RETSAT: variants seen among roughly 807,000 people sequenced by gnomAD.
The protein encoded by RETSAT is retinol saturase, also known as all-trans-retinol 13,14-reductase.
RETSAT carries 35 observed loss-of-function variants against 61.6 expected under a neutral mutation model. That is an observed-to-expected ratio of 0.57 (90% CI 0.43 to 0.75). RETSAT has a LOEUF of 0.75. Among genes scored for constraint, RETSAT ranks in the 30% least tolerant of loss-of-function variants. RETSAT has a pLI of 0.00. For missense variants in RETSAT, 670 were observed against 759.5 expected (o/e 0.88, Z 1.38); for synonymous variants, 277 against 310.4 (o/e 0.89, Z 1.13).
At chr2:85,349,848 G>A in intron 4 of RETSAT, 192 bp downstream of exon 4, 1 of 640,330 alleles carries the variant, frequency 1.6e-6, no homozygotes, top group Non-Finnish European at 2.7e-6. Flanking sequence ...AATCATCCAA[G>A]GCATGGATGA....
chr2:85,343,930 C>T (rs1411275115), intron 9 of RETSAT, 69 bp downstream of exon 9: 45 of 1,594,346 alleles, frequency 2.8e-5, no homozygotes, highest in Non-Finnish European at 3.6e-5. Context: ...GCCTGATTCC[C>T]CTGTCTCAAG....
chr2:85,345,675 C>T, intron 6 of RETSAT: 1 of 461,450 alleles, frequency 2.2e-6, no homozygotes, highest in Non-Finnish European at 4.1e-6. Flanking sequence ...CTGGAAGCCC[C>T]CTCAGCCCAG....
In RETSAT at chr2:85,350,123, G is replaced by A. The variant is rs1683273411; in HGVS notation, c.716C>T (p.Thr239Ile). 4 of 1,613,908 alleles carry A rather than the reference G, an allele frequency of 2.5e-6. No homozygotes were observed. The South Asian group carries it at 3.3e-5, about 13-fold the overall frequency. ...TRFSPFLQAS[T>I]QSLAEVLQQL... ...CTGCAGGACCTCAGCCAGGCTCTGG[G>A]TGGATGCTTGAAGGAATGGAGAGAA... is the stretch of plus-strand genomic sequence containing the variant. The change falls in exon 4 of 11, where the codon ACC becomes ATC. Residue 239 changes from threonine (T) to isoleucine (I), a missense_variant. Physicochemically the swap from Thr to Ile is moderately conservative, Grantham distance 89. Coordinates refer to ENST00000295802, the MANE Select transcript of RETSAT (RefSeq NM_017750.4).
intron 6 of RETSAT, 106 bp downstream of exon 6, chr2:85,345,869 G>A: frequency 7.0e-7 from 1 of 1,423,842 alleles, no homozygotes. Context: ...GACAATCAGA[G>A]GGCCGGCCAA....
At chr2:85,345,581 C>T (rs1365497330) in intron 6 of RETSAT, 21 of 355,744 alleles carry the variant, frequency 5.9e-5, no homozygotes, top group Non-Finnish European at 7.7e-5. Flanking sequence ...ATGAAGGTGG[C>T]GGGACCTCTT....
rs770436996 is a variant in RETSAT, at chr2:85,350,848, T to C, written c.529A>G (p.Ile177Val). The change falls in exon 3 of 11, where the codon ATT becomes GTT. Residue 177 changes from isoleucine (I) to valine (V), a missense_variant. By Grantham distance (29) the Ile-to-Val change is conservative. Transcript: ENST00000295802. ...GGAAACTTCTCCTTGAGGCCCTGAATGTAGGCTTTCTCTCCACTGTACATG... is the reference window on the plus strand; with the variant it reads ...GGAAACTTCTCCTTGAGGCCCTGAACGTAGGCTTTCTCTCCACTGTACATG... Reference protein sequence around the residue: ...YPMYSGEKAYIQGLKEKFPQE... With the variant: ...YPMYSGEKAYVQGLKEKFPQE... The C allele has an allele frequency of 2.5e-6, 4 of 1,614,222 alleles. No individual in the cohort carries two copies. Among genetic ancestry groups the C allele is most frequent in the South Asian group, 2.2e-5 (2 of 91,084 alleles).
chr2:85,348,129 A>G (rs1463724804), intron 5 of RETSAT, among the ~76,000 whole-genome samples: 9 of 152,248 alleles, frequency 5.9e-5, no homozygotes, highest in South Asian at 2.1e-4. Flanking sequence ...CTGAGTCCCT[A>G]TGCGGGTTAC....
At position 85,342,339 on chromosome 2, in the gene RETSAT, C is replaced by T. The variant is rs1683103530; in HGVS notation, c.*903G>A. ...ACTTCCCTCCCTTACCCCACACCTCCCTGCACTGTCCCCTGCTGTGCCCTT... is the reference window on the plus strand; with the variant it reads ...ACTTCCCTCCCTTACCCCACACCTCTCTGCACTGTCCCCTGCTGTGCCCTT... On this transcript the variant is annotated 3_prime_UTR_variant, in exon 11 of 11. Coordinates refer to ENST00000295802, the MANE Select transcript of RETSAT (RefSeq NM_017750.4). 6.1e-6 allele frequency: 1 copy of T among 164,824 alleles called. No individual in the cohort carries two copies. Among genetic ancestry groups the T allele is most frequent in the African/African-American group, 2.4e-5 (1 of 41,508 alleles). The allele number at this position is 164,824 out of a possible 1,614,324, so 10.2% of individuals were successfully genotyped here. A position where few individuals can be genotyped will look rare whatever the true frequency, so the allele number is the denominator to read the frequency against.
intron 7 of RETSAT, 43 bp from the exon 8 acceptor site, chr2:85,344,391 C>T (rs1335664104): frequency 2.5e-6 from 4 of 1,593,986 alleles, no homozygotes; most frequent in Middle Eastern, 3.3e-4. Context: ...GGTTTTTGTC[C>T]TCAAAACCCC....
Position 85,342,956 on chromosome 2 carries a change from T to C in RETSAT, c.*286A>G. On this transcript the variant is annotated 3_prime_UTR_variant, in exon 11 of 11. Coordinates refer to ENST00000295802, the MANE Select transcript of RETSAT (RefSeq NM_017750.4). ...TGAGTTAGGAGGCATGGGTGAGGGA[T>C]GCAGAGCGCCGCTCGTCATGAGACA... 1 of 331,126 alleles carries C rather than the reference T, an allele frequency of 3.0e-6. No homozygotes were observed. The highest frequency in any genetic ancestry group is 5.8e-6 in the Non-Finnish European group (1 of 172,552). The allele number at this position is 331,126 out of a possible 1,614,324, so 20.5% of individuals were successfully genotyped here. A position where few individuals can be genotyped will look rare whatever the true frequency, so the allele number is the denominator to read the frequency against.
chr2:85,349,684 G>C (rs1374178588), intron 4 of RETSAT, 103 bp from the exon 5 acceptor site: 3 of 1,008,538 alleles, frequency 3.0e-6, no homozygotes, highest in South Asian at 2.9e-5. Context: ...CAGTCTATCC[G>C]AGGAACCACA....
chr2:85,343,711 G>C lies in RETSAT; in HGVS notation c.1621C>G (p.Leu541Val). ...RGACYGADHDLGRLHPCVMAS... is the reference protein window; with the variant it reads ...RGACYGADHDVGRLHPCVMAS... ...ATCACACAAGGGTGCAGGCGGCCCA[G>C]GTCATGGTCAGCCCCGTAGCAGGCA... Residue 541 changes from leucine (L) to valine (V), a missense_variant, in exon 10 of 11, where the codon CTG (leucine) becomes GTG (valine). Physicochemically the swap from Leu to Val is conservative, Grantham distance 32. Transcript: ENST00000295802. 6.2e-7 allele frequency: 1 copy of C among 1,614,160 alleles called. No individual in the cohort carries two copies. Among genetic ancestry groups the C allele is most frequent in the Non-Finnish European group, 8.5e-7 (1 of 1,179,968 alleles).
chr2:85,343,935 C>A (rs1314987772), intron 9 of RETSAT, 64 bp downstream of exon 9: 4 of 1,597,370 alleles, frequency 2.5e-6, no homozygotes, highest in African/African-American at 2.7e-5. Flanking sequence ...ATTCCCCTGT[C>A]TCAAGGAAAG....
At chr2:85,345,650 C>T (rs968646374) in intron 6 of RETSAT, 11 of 414,686 alleles carry the variant, frequency 2.7e-5, no homozygotes, top group African/African-American at 2.3e-4. Flanking sequence ...TGCTTCTCTT[C>T]CTGAGGCCTC....
intron 1 of RETSAT, 24 bp downstream of exon 1, chr2:85,354,312 G>C (rs776754216): frequency 6.2e-7 from 1 of 1,613,262 alleles, no homozygotes; most frequent in Non-Finnish European, 8.5e-7. Flanking sequence ...GTGCAGCCCC[G>C]GACCCCAGGG....
intron 5 of RETSAT, among the ~76,000 whole-genome samples, chr2:85,346,598 AC>A (rs200400516): frequency 2.0e-5 from 3 of 152,192 alleles, no homozygotes; most frequent in East Asian, 1.9e-4. Flanking sequence ...TCTCTATAGA[AC>A]AAAAAAATTT....
chr2:85,351,101 AAG>A, intron 2 of RETSAT, 80 bp from the exon 3 acceptor site: 1 of 1,561,010 alleles, frequency 6.4e-7, no homozygotes, highest in Non-Finnish European at 8.7e-7. Context: ...AGTGAGGTGG[AAG>A]AGTTTATCTG....
intron 3 of RETSAT, among the ~76,000 whole-genome samples, chr2:85,350,486 G>A (rs571993186): frequency 1.3e-5 from 2 of 152,032 alleles, no homozygotes; most frequent in South Asian, 2.1e-4. Flanking sequence ...ATCTGGTCTC[G>A]GATGCAGTAA....
At chr2:85,345,761 C>G in intron 6 of RETSAT, 1 of 699,352 alleles carries the variant, frequency 1.4e-6, no homozygotes, top group Non-Finnish European at 2.6e-6. Context: ...TGAGTGGCCT[C>G]AGGACTGTAA....
Sources: gnomAD v4.1 joint callset for allele counts (sites outside exome capture counted in the v4.1 genomes callset) on GRCh38, gnomAD v4.1.1 for gene constraint, MANE v1.5 for transcripts, NCBI Gene and HGNC (gene_info 2026-07-23, HGNC 2026-07-21) for gene names.